PARD6G: variants seen among roughly 807,000 people sequenced by gnomAD.
The protein encoded by PARD6G is par-6 family cell polarity regulator gamma, also known as partitioning defective 6 homolog gamma.
In PARD6G, 7 loss-of-function variants were observed where a neutral mutation model predicts 10.7. The ratio of observed to expected loss-of-function variants is 0.66; its 90% CI spans 0.37 to 1.23. PARD6G has a LOEUF of 1.23. Among genes scored for constraint, PARD6G ranks in the 50% most tolerant of loss-of-function variants. The probability of loss-of-function intolerance (pLI) is 0.02; values close to 1 mark genes in which losing one functional copy is unlikely to be tolerated. For missense variants in PARD6G, 548 were observed against 571.8 expected (o/e 0.96, Z 0.42); for synonymous variants, 287 against 269.4 (o/e 1.07, Z -0.64).
At chr18:80,190,856 CAG>C (rs1966891346) in intron 2 of PARD6G, among the ~76,000 whole-genome samples, 1 of 152,156 alleles carries the variant, frequency 6.6e-6, no homozygotes, top group Admixed American at 6.5e-5. Flanking sequence ...GAGCAGGAAA[CAG>C]AGCTCATTAA....
chr18:80,191,259 C>T (rs1444695156), intron 2 of PARD6G, among the ~76,000 whole-genome samples: 3 of 152,192 alleles, frequency 2.0e-5, no homozygotes, highest in African/African-American at 7.2e-5. Context: ...CTCCCCAGGA[C>T]CTGCAGGAGA....
chr18:80,164,760 C>T (rs1378861875), intron 2 of PARD6G, among the ~76,000 whole-genome samples: 1 of 152,170 alleles, frequency 6.6e-6, no homozygotes, highest in Non-Finnish European at 1.5e-5. Flanking sequence ...ATGACATCAC[C>T]TATCGGTAGG....
chr18:80,233,310 C>T (rs557765520), intron 1 of PARD6G, among the ~76,000 whole-genome samples: 51 of 152,306 alleles, frequency 3.3e-4, no homozygotes, highest in African/African-American at 1.2e-3. Context: ...ACCGCATAGC[C>T]GGTGACTGGA....
rs2052664428 is a variant in PARD6G at position 80,157,624 on chromosome 18, C to G, written c.*2147G>C. 1 of 152,174 alleles carries G rather than the reference C, an allele frequency of 6.6e-6. No homozygotes were observed. Among genetic ancestry groups the G allele is most frequent in the African/African-American group, 2.4e-5 (1 of 41,432 alleles). The allele number at this position is 152,174 out of a possible 1,614,324, so 9.4% of individuals were successfully genotyped here. On this transcript the variant is annotated 3_prime_UTR_variant, in exon 3 of 3. Transcript: ENST00000353265. The stretch of plus-strand genomic sequence containing the variant: ...GTTCCACAAAAACTGCTTCTGACTG[C>G]TGGGGCACTGAACGACATGCCCTTC...
chr18:80,208,720 T>C (rs1171941751), intron 1 of PARD6G, among the ~76,000 whole-genome samples: 1 of 151,792 alleles, frequency 6.6e-6, no homozygotes, highest in Non-Finnish European at 1.5e-5. Context: ...CTGGGCAACA[T>C]AGCAAGACCT....
rs2052804108 is a variant in PARD6G, at chr18:80,175,646, T to C, written c.296-15040A>G. ...GTTCCGTAATTGTTCTCTTGCTGAG[T>C]GTATCTGAGTCACGTTCTCTGTCAG... On this transcript the variant is annotated intron_variant, in intron 2 of 2. Coordinates refer to ENST00000353265, the MANE Select transcript of PARD6G (RefSeq NM_032510.4). The surrounding 1 kb of genome is among the most constrained non-coding windows in gnomAD (Gnocchi z 6.7). Among the ~76,000 whole-genome samples, 1 of 152,182 alleles carries C rather than the reference T, an allele frequency of 6.6e-6. No individual in the cohort carries two copies. Among genetic ancestry groups the C allele is most frequent in the Admixed American group, 6.5e-5 (1 of 15,268 alleles).
At chr18:80,211,832 T>C (rs960603343) in intron 1 of PARD6G, among the ~76,000 whole-genome samples, 1 of 152,156 alleles carries the variant, frequency 6.6e-6, no homozygotes, top group South Asian at 2.1e-4. Context: ...ATTCCACTTA[T>C]ATGAGGTAAA....
chr18:80,175,275 C>T lies in PARD6G; in HGVS notation c.296-14669G>A, dbSNP rs1432193764. Among the ~76,000 whole-genome samples, 1 of 152,134 alleles carries T rather than the reference C, an allele frequency of 6.6e-6. No individual in the cohort carries two copies. The highest frequency in any genetic ancestry group is 1.5e-5 in the Non-Finnish European group (1 of 68,024). On this transcript the variant is annotated intron_variant, in intron 2 of 2. Transcript: ENST00000353265. This position sits in a 1 kb window ranked among gnomAD's most constrained non-coding sequence, Gnocchi z 6.7. ...AGCTCCAGCGGCCATAACAAAATAC[C>T]ACAGATGGTGCAGCTTAAACTATGC...
intron 2 of PARD6G, among the ~76,000 whole-genome samples, chr18:80,197,860 C>T (rs1453252129): frequency 1.3e-5 from 2 of 152,250 alleles, no homozygotes; most frequent in African/African-American, 4.8e-5. Flanking sequence ...ACACTTAACA[C>T]ATTCTGTATT....
At chr18:80,165,001 A>T (rs1267841564) in intron 2 of PARD6G, among the ~76,000 whole-genome samples, 1 of 152,260 alleles carries the variant, frequency 6.6e-6, no homozygotes, top group Non-Finnish European at 1.5e-5. Context: ...GGGCAAAAGC[A>T]GAACCACTGA....
chr18:80,183,458 C>T lies in PARD6G; in HGVS notation c.295+19252G>A, dbSNP rs952829530. ...AGAATGGGTGGAGCAGGCCCCAGAG[C>T]TTCTAATGGTCCCAGCTGAGTCCCC... On this transcript the variant is annotated intron_variant, in intron 2 of 2. Coordinates refer to ENST00000353265, the MANE Select transcript of PARD6G (RefSeq NM_032510.4). This position sits in a 1 kb window ranked among gnomAD's most constrained non-coding sequence, Gnocchi z 4.5. Among the ~76,000 whole-genome samples, 3 of 152,272 alleles carry T rather than the reference C, an allele frequency of 2.0e-5. No homozygotes were observed. In the East Asian group the frequency reaches 5.8e-4, roughly 29 times the overall value.
chr18:80,209,627 A>C (rs918811951), intron 1 of PARD6G, among the ~76,000 whole-genome samples: 9 of 152,174 alleles, frequency 5.9e-5, no homozygotes, highest in African/African-American at 2.2e-4. Context: ...CCTGGGCAAC[A>C]TGGGGAAACC....
chr18:80,174,676 T>C (rs946399443), intron 2 of PARD6G, among the ~76,000 whole-genome samples: 19 of 151,164 alleles, frequency 1.3e-4, no homozygotes, highest in African/African-American at 3.4e-4. Context: ...CATTGTAGGC[T>C]GGGTGCGGTG....
intron 1 of PARD6G, among the ~76,000 whole-genome samples, chr18:80,212,742 G>A (rs372297250): frequency 1.0e-3 from 157 of 152,166 alleles, no homozygotes; most frequent in African/African-American, 3.6e-3. Flanking sequence ...AAAATTGGCC[G>A]GGTATGGTGG....
intron 1 of PARD6G, among the ~76,000 whole-genome samples, chr18:80,224,019 C>T (rs966849441): frequency 5.9e-5 from 9 of 152,174 alleles, no homozygotes; most frequent in Non-Finnish European, 1.0e-4. Context: ...GGCAGGCACT[C>T]CGAACAGGGT....
intron 2 of PARD6G, among the ~76,000 whole-genome samples, chr18:80,202,209 T>A (rs1291998255): frequency 6.6e-6 from 1 of 152,186 alleles, no homozygotes; most frequent in Non-Finnish European, 1.5e-5. Flanking sequence ...GGTCCCACAA[T>A]AAGTCAGCAG....
At chr18:80,235,612 G>C (rs1258824731) in intron 1 of PARD6G, among the ~76,000 whole-genome samples, 4 of 152,086 alleles carry the variant, frequency 2.6e-5, no homozygotes, top group Non-Finnish European at 5.9e-5. Context: ...TAGACCGCTA[G>C]CAAGACTAAT....
In PARD6G at chr18:80,177,218, G is replaced by GCGCA. The variant is rs1555734815; in HGVS notation, c.296-16613_296-16612insTGCG. On this transcript the variant is annotated intron_variant, in intron 2 of 2. Coordinates refer to ENST00000353265, the MANE Select transcript of PARD6G (RefSeq NM_032510.4). ...ATAAATCACAGCCTAAATGGGAAGC[G>GCGCA]CACACACACACACACACACACACAC... 6.7e-3 allele frequency among the ~76,000 whole-genome samples: 658 copies of GCGCA among 98,890 alleles called. 14 individuals are homozygous for GCGCA. Among genetic ancestry groups the GCGCA allele is most frequent in the African/African-American group, 0.023 (508 of 21,804 alleles). 64.9% of individuals were successfully genotyped at this position (98,890 alleles called of 152,430 possible).
intron 1 of PARD6G, among the ~76,000 whole-genome samples, chr18:80,242,546 G>T (rs1967501610): frequency 6.6e-6 from 1 of 152,220 alleles, no homozygotes; most frequent in Non-Finnish European, 1.5e-5. Context: ...GCCAGCCAGT[G>T]CATCAGCCAG....
Sources: gnomAD v4.1 joint callset for allele counts (sites outside exome capture counted in the v4.1 genomes callset) on GRCh38, gnomAD v4.1.1 for gene constraint, Gnocchi (gnomAD v3.1) non-coding constraint, MANE v1.5 for transcripts, NCBI Gene and HGNC (gene_info 2026-07-23, HGNC 2026-07-21) for gene names.